SH3RF1: variants seen among roughly 807,000 people sequenced by gnomAD.
SH3RF1 encodes SH3 domain containing ring finger 1, also known as E3 ubiquitin-protein ligase SH3RF1.
In SH3RF1, 32 loss-of-function variants were observed where a neutral mutation model predicts 74.0. That is an observed-to-expected ratio of 0.43 (90% CI 0.33 to 0.58). The LOEUF (loss-of-function observed/expected upper bound fraction) is 0.58. Ranked by LOEUF, SH3RF1 falls within the 20% of genes least tolerant of loss-of-function variation. The pLI, the probability that SH3RF1 is intolerant of heterozygous loss-of-function variation, is 0.05. For missense variants in SH3RF1, 954 were observed against 1,130.9 expected (o/e 0.84, Z 2.24); for synonymous variants, 396 against 439.6 (o/e 0.90, Z 1.24).
chr4:169,201,662 T>G (rs1282347943), intron 2 of SH3RF1: 1 of 152,240 alleles, frequency 6.6e-6, no homozygotes, highest in Non-Finnish European at 1.5e-5. Flanking sequence ...GTTATAATTT[T>G]GTATTCATAA....
At chr4:169,156,296 C>T (rs1159244393) in intron 3 of SH3RF1, 108 bp downstream of exon 3, 23 of 1,310,954 alleles carry the variant, frequency 1.8e-5, no homozygotes, top group Non-Finnish European at 2.4e-5. Context: ...GAGTAGTTCA[C>T]ACAAAACTTG....
At chr4:169,151,082 T>C (rs1430961359) in intron 4 of SH3RF1, among the ~76,000 whole-genome samples, 1 of 152,142 alleles carries the variant, frequency 6.6e-6, no homozygotes, top group East Asian at 1.9e-4. Flanking sequence ...TCTACAAACA[T>C]GTTTGTTTTG....
intron 2 of SH3RF1, among the ~76,000 whole-genome samples, chr4:169,169,480 C>T (rs1734292094): frequency 6.6e-6 from 1 of 152,036 alleles, no homozygotes; most frequent in Admixed American, 6.6e-5. Flanking sequence ...ACCTGTAGTC[C>T]CAGCTACTTG....
At chr4:169,183,501 G>A (rs1016062717) in intron 2 of SH3RF1, among the ~76,000 whole-genome samples, 6 of 151,842 alleles carry the variant, frequency 4.0e-5, no homozygotes, top group African/African-American at 1.5e-4. Context: ...GGCTGGTCTC[G>A]AACTCCTAAC....
At chr4:169,253,684 G>A (rs528044055) in intron 2 of SH3RF1, among the ~76,000 whole-genome samples, 1 of 152,146 alleles carries the variant, frequency 6.6e-6, no homozygotes, top group South Asian at 2.1e-4. Flanking sequence ...GAATTACTTA[G>A]TATACAGATG....
intron 2 of SH3RF1, among the ~76,000 whole-genome samples, chr4:169,252,335 A>G (rs1455352571): frequency 6.6e-6 from 1 of 152,222 alleles, no homozygotes; most frequent in Non-Finnish European, 1.5e-5. Flanking sequence ...ATCTTGTCAC[A>G]TATTTTTCCC....
chr4:169,206,140 T>A (rs1215639126), intron 2 of SH3RF1, among the ~76,000 whole-genome samples: 1 of 152,240 alleles, frequency 6.6e-6, no homozygotes, highest in Non-Finnish European at 1.5e-5. Context: ...CTAAAGAGCA[T>A]CTCTTGCATA....
intron 2 of SH3RF1, among the ~76,000 whole-genome samples, chr4:169,226,315 C>G (rs531081661): frequency 8.9e-4 from 136 of 152,292 alleles, no homozygotes; most frequent in African/African-American, 3.0e-3. Context: ...AGTCACTTGA[C>G]ATTTATAATT....
intron 9 of SH3RF1, among the ~76,000 whole-genome samples, 174 bp downstream of exon 9, chr4:169,117,349 C>T (rs551288523): frequency 2.1e-4 from 32 of 152,202 alleles, no homozygotes; most frequent in Non-Finnish European, 4.0e-4. Context: ...TGAAGTAATA[C>T]GCAGGGCACG....
chr4:169,180,777 T>C (rs950840303), intron 2 of SH3RF1, among the ~76,000 whole-genome samples: 4 of 152,220 alleles, frequency 2.6e-5, no homozygotes, highest in Non-Finnish European at 4.4e-5. Flanking sequence ...TTCAACTTCA[T>C]AAACTTCAAT....
At chr4:169,165,164 T>C (rs186476183) in intron 2 of SH3RF1, among the ~76,000 whole-genome samples, 46 of 152,318 alleles carry the variant, frequency 3.0e-4, no homozygotes, top group Non-Finnish European at 1.5e-5. Context: ...AGTTTCTACC[T>C]ATTTGAAAAA....
rs766883911 is a variant in SH3RF1 at position 169,136,551 on chromosome 4, A to G, written c.835T>C (p.Cys279Arg). 6.2e-7 allele frequency: 1 copy of G among 1,603,390 alleles called. No individual in the cohort carries two copies. Among genetic ancestry groups the G allele is most frequent in the South Asian group, 1.1e-5 (1 of 90,046 alleles). The change falls in exon 5 of 12, where the codon TGT (cysteine) becomes CGT (arginine). Residue 279 changes from cysteine (C) to arginine (R), a missense_variant. Cys to Arg is a radical substitution (Grantham distance 180). This residue lies in a region of SH3RF1 where 854 missense variants were observed against 962.5 expected (regional missense o/e 0.89). Coordinates refer to ENST00000284637, the MANE Select transcript of SH3RF1 (RefSeq NM_020870.4). ...CTGCTCTGGGCTGCTGCCGAGGAAC[A>G]TTCTCCAGCATCAACTCCTGGCACA... Reference protein sequence around the residue: ...PPVPGVDAGECSSAAAQSSTA... With the variant: ...PPVPGVDAGERSSAAAQSSTA...
chr4:169,221,214 T>C lies in SH3RF1; in HGVS notation c.393+47606A>G, dbSNP rs540869656. On this transcript the variant is annotated intron_variant, in intron 2 of 11. Coordinates refer to ENST00000284637, the MANE Select transcript of SH3RF1 (RefSeq NM_020870.4). Reference sequence around the variant, plus strand: ...AACCGCAGGCAAGTCAAGTAGTGATTTTATTCTTTTTGTCATTTTTCTTTC... The same window carrying C: ...AACCGCAGGCAAGTCAAGTAGTGATCTTATTCTTTTTGTCATTTTTCTTTC... Among the ~76,000 whole-genome samples the C allele has an allele frequency of 4.3e-4, 66 of 152,274 alleles. 1 individual carries two copies. Among genetic ancestry groups the C allele is most frequent in the African/African-American group, 1.5e-3 (63 of 41,556 alleles).
At chr4:169,205,894 T>C (rs1730250130) in intron 2 of SH3RF1, among the ~76,000 whole-genome samples, 1 of 152,258 alleles carries the variant, frequency 6.6e-6, no homozygotes, top group African/African-American at 2.4e-5. Flanking sequence ...TTGGCAAAAA[T>C]AGCCTATGAA....
chr4:169,140,641 G>T (rs1340486895), intron 4 of SH3RF1, among the ~76,000 whole-genome samples: 1 of 152,114 alleles, frequency 6.6e-6, no homozygotes, highest in Non-Finnish European at 1.5e-5. Context: ...GGCAGCTTAA[G>T]AAATATTAAA....
intron 2 of SH3RF1, among the ~76,000 whole-genome samples, chr4:169,234,641 T>G (rs1730797974): frequency 6.6e-6 from 1 of 152,230 alleles, no homozygotes; most frequent in Non-Finnish European, 1.5e-5. Flanking sequence ...TAGAAAGTAC[T>G]GCCTGGCATT....
chr4:169,161,170 C>T (rs1561040540), intron 2 of SH3RF1, among the ~76,000 whole-genome samples: 1 of 152,240 alleles, frequency 6.6e-6, no homozygotes, highest in Non-Finnish European at 1.5e-5. Flanking sequence ...ACCGACTCTG[C>T]AGTCTAACCT....
At chr4:169,157,765 G>A (rs961681797) in intron 2 of SH3RF1, among the ~76,000 whole-genome samples, 5 of 149,770 alleles carry the variant, frequency 3.3e-5, no homozygotes, top group Admixed American at 6.7e-5. Flanking sequence ...TTTTTAAGAC[G>A]GAGTCTTGCT....
chr4:169,134,901 C>T lies in SH3RF1; in HGVS notation c.1068+1417G>A, dbSNP rs575649945. 7.2e-5 allele frequency among the ~76,000 whole-genome samples: 11 copies of T among 152,266 alleles called. No individual in the cohort carries two copies. In the South Asian group the frequency reaches 2.3e-3, roughly 32 times the overall value. ...TCACTGCACTCATGTTCTAGTTGTGCGTTGTGCGTGTCTTTATTTCTCAAT... is the reference window on the plus strand; with the variant it reads ...TCACTGCACTCATGTTCTAGTTGTGTGTTGTGCGTGTCTTTATTTCTCAAT... On this transcript the variant is annotated intron_variant, in intron 5 of 11. Transcript: ENST00000284637.
Sources: gnomAD v4.1 joint callset for allele counts (sites outside exome capture counted in the v4.1 genomes callset) on GRCh38, gnomAD v4.1.1 for gene constraint, gnomAD v4.1.1 regional missense constraint, MANE v1.5 for transcripts, NCBI Gene and HGNC (gene_info 2026-07-23, HGNC 2026-07-21) for gene names.